Variants in RCAN3 observed in about 807,000 individuals in gnomAD.
The protein encoded by RCAN3 is calcipressin-3.
In RCAN3, 19 loss-of-function variants were observed where a neutral mutation model predicts 21.9. The ratio of observed to expected loss-of-function variants is 0.87; its 90% CI spans 0.61 to 1.27. RCAN3 has a LOEUF of 1.27. Among genes scored for constraint, RCAN3 ranks in the 50% most tolerant of loss-of-function variants. The pLI is 0.00. For synonymous variants in RCAN3, 114 were observed against 112.3 expected (o/e 1.01, Z -0.09); for missense variants, 240 against 300.1 (o/e 0.80, Z 1.48).
chr1:24,524,213 G>A (rs12141087), intron 2 of RCAN3, among the ~76,000 whole-genome samples: 22,202 of 151,930 alleles, frequency 0.15, 1,730 homozygotes, highest in African/African-American at 0.18. Context: ...CTGAGAGACT[G>A]AGAAAAAAAG....
intron 1 of RCAN3, among the ~76,000 whole-genome samples, chr1:24,511,261 C>T (rs1163203037): frequency 6.6e-6 from 1 of 152,074 alleles, no homozygotes; most frequent in African/African-American, 2.4e-5. Context: ...TGCAGTGAGC[C>T]AAGATAGCAC....
intron 1 of RCAN3, among the ~76,000 whole-genome samples, chr1:24,503,351 G>T (rs1351162340): frequency 1.3e-5 from 2 of 151,972 alleles, no homozygotes; most frequent in South Asian, 4.2e-4. Context: ...CTTCTCGCGC[G>T]CGGGGTCTAG....
At chr1:24,534,771 G>T (rs1192924132) in intron 4 of RCAN3, among the ~76,000 whole-genome samples, 6 of 152,194 alleles carry the variant, frequency 3.9e-5, no homozygotes, top group African/African-American at 1.4e-4. Context: ...CTGCACTCCA[G>T]CCTGCCGACA....
rs1650228009 is a variant in RCAN3 at position 24,536,370 on chromosome 1, CTTTT to C, written c.*1095_*1098del. ...GGGGAGATCATTCAGTTTTACTTTT[CTTTT>C]TGTTGAAATTTTGTACCCGGATTGC... On this transcript the variant is annotated 3_prime_UTR_variant, in exon 5 of 5. Transcript: ENST00000374395. 6.6e-6 allele frequency: 1 copy of C among 152,130 alleles called. No homozygotes were observed. 9.4% of individuals were successfully genotyped at this position (152,130 alleles called of 1,614,324 possible).
At chr1:24,513,298 T>A (rs1648042317) in intron 1 of RCAN3, among the ~76,000 whole-genome samples, 1 of 152,080 alleles carries the variant, frequency 6.6e-6, no homozygotes, top group Non-Finnish European at 1.5e-5. Flanking sequence ...AGGGGCAAGG[T>A]CTCACTATGT....
intron 4 of RCAN3, among the ~76,000 whole-genome samples, chr1:24,534,840 T>G (rs922846385): frequency 2.0e-5 from 3 of 152,204 alleles, no homozygotes; most frequent in Non-Finnish European, 4.4e-5. Flanking sequence ...ACTCATATTA[T>G]TCATAAAACA....
At chr1:24,529,566 T>TG (rs1429700014) in intron 2 of RCAN3, among the ~76,000 whole-genome samples, 3 of 140,640 alleles carry the variant, frequency 2.1e-5, no homozygotes, top group African/African-American at 7.8e-5. Context: ...TTTTTTTTTT[T>TG]TTAGGACAGA....
chr1:24,516,016 G>T (rs1648288877), intron 2 of RCAN3, among the ~76,000 whole-genome samples: 1 of 152,116 alleles, frequency 6.6e-6, no homozygotes, highest in African/African-American at 2.4e-5. Context: ...GGTGGCAGGT[G>T]CCTGTAATCC....
chr1:24,531,281 T>G lies in RCAN3; in HGVS notation c.259T>G (p.Phe87Val), dbSNP rs763367101. ...GGTTACTTTTCAGCTGTTTAAAAGCTTTAGAAGAGTCAGAATAAATTTCAG... is the reference window on the plus strand; with the variant it reads ...GGTTACTTTTCAGCTGTTTAAAAGCGTTAGAAGAGTCAGAATAAATTTCAG... The part of the protein sequence containing the change: ...DQVTFQLFKS[F>V]RRVRINFSKP... The change falls in exon 3 of 5, where the codon TTT becomes GTT. Residue 87 changes from phenylalanine to valine, a missense_variant. Phe to Val is a conservative substitution (Grantham distance 50). Coordinates refer to ENST00000374395, the MANE Select transcript of RCAN3 (RefSeq NM_013441.4). 1.9e-6 allele frequency: 3 copies of G among 1,613,840 alleles called. No homozygotes were observed. The highest frequency in any genetic ancestry group is 2.5e-6 in the Non-Finnish European group (3 of 1,179,826).
At position 24,525,791 on chromosome 1, in the gene RCAN3, T is replaced by A. The variant is rs1464051163; in HGVS notation, c.196-5427T>A. On this transcript the variant is annotated intron_variant, in intron 2 of 4. Coordinates refer to ENST00000374395, the MANE Select transcript of RCAN3 (RefSeq NM_013441.4). The surrounding 1 kb of genome is among the most constrained non-coding windows in gnomAD (Gnocchi z 4.1). ...GCCGTCTGCAATCTTCTAAATCCCTTTCGTGCTAATGCCGGGTTATCAGGG... is the reference window on the plus strand; with the variant it reads ...GCCGTCTGCAATCTTCTAAATCCCTATCGTGCTAATGCCGGGTTATCAGGG... Among the ~76,000 whole-genome samples, 1 of 152,166 alleles carries A rather than the reference T, an allele frequency of 6.6e-6. No homozygotes were observed. The highest frequency in any genetic ancestry group is 1.5e-5 in the Non-Finnish European group (1 of 68,022).
intron 2 of RCAN3, among the ~76,000 whole-genome samples, chr1:24,517,326 A>G (rs1359682031): frequency 6.6e-6 from 1 of 152,176 alleles, no homozygotes. Context: ...CACATTGGCC[A>G]GGCTGGTCTT....
intron 2 of RCAN3, among the ~76,000 whole-genome samples, chr1:24,522,025 C>T (rs1274918062): frequency 2.6e-5 from 4 of 152,028 alleles, no homozygotes; most frequent in African/African-American, 9.7e-5. Flanking sequence ...ATACCACTGA[C>T]TTGTACATTT....
chr1:24,532,246 A>T (rs1233860881), intron 3 of RCAN3, among the ~76,000 whole-genome samples: 1 of 151,248 alleles, frequency 6.6e-6, no homozygotes, highest in African/African-American at 2.4e-5. Flanking sequence ...TTATTTTTTG[A>T]GATGGAGTCT....
chr1:24,516,517 G>A (rs992034883), intron 2 of RCAN3, among the ~76,000 whole-genome samples: 3 of 152,198 alleles, frequency 2.0e-5, no homozygotes, highest in Admixed American at 1.3e-4. Flanking sequence ...CATTTCGGGA[G>A]TAGCAAGCCA....
chr1:24,518,210 T>C (rs1648497392), intron 2 of RCAN3, among the ~76,000 whole-genome samples: 1 of 152,162 alleles, frequency 6.6e-6, no homozygotes, highest in Non-Finnish European at 1.5e-5. Context: ...CTTTATAAGC[T>C]TCTAACTATT....
intron 2 of RCAN3, among the ~76,000 whole-genome samples, chr1:24,516,658 G>A (rs998517165): frequency 6.6e-6 from 1 of 152,184 alleles, no homozygotes; most frequent in East Asian, 1.9e-4. Context: ...TGTGGGAAAC[G>A]GTCGGAGGGT....
chr1:24,524,263 TATAA>T (rs957147281), intron 2 of RCAN3, among the ~76,000 whole-genome samples: 3 of 152,188 alleles, frequency 2.0e-5, no homozygotes, highest in African/African-American at 7.2e-5. Context: ...AGTTTGTGTT[TATAA>T]ATACAGTAGC....
chr1:24,525,794 G>T lies in RCAN3; in HGVS notation c.196-5424G>T, dbSNP rs561277304. 6.6e-6 allele frequency among the ~76,000 whole-genome samples: 1 copy of T among 151,996 alleles called. No individual in the cohort carries two copies. The highest frequency in any genetic ancestry group is 1.9e-4 in the East Asian group (1 of 5,170). On this transcript the variant is annotated intron_variant, in intron 2 of 4. Transcript: ENST00000374395. The surrounding 1 kb of genome is among the most constrained non-coding windows in gnomAD (Gnocchi z 4.1). Reference sequence around the variant, plus strand: ...GTCTGCAATCTTCTAAATCCCTTTCGTGCTAATGCCGGGTTATCAGGGGCA... The same window carrying T: ...GTCTGCAATCTTCTAAATCCCTTTCTTGCTAATGCCGGGTTATCAGGGGCA...
At chr1:24,527,475 T>C (rs1237283392) in intron 2 of RCAN3, among the ~76,000 whole-genome samples, 1 of 152,224 alleles carries the variant, frequency 6.6e-6, no homozygotes, top group Non-Finnish European at 1.5e-5. Flanking sequence ...GTTTTTAGGA[T>C]AAATGATGTT....
Sources: gnomAD v4.1 joint callset for allele counts (sites outside exome capture counted in the v4.1 genomes callset) on GRCh38, gnomAD v4.1.1 for gene constraint, Gnocchi (gnomAD v3.1) non-coding constraint, MANE v1.5 for transcripts, NCBI Gene and HGNC (gene_info 2026-07-23, HGNC 2026-07-21) for gene names.